SPEG: variants seen among roughly 807,000 people sequenced by gnomAD.
SPEG encodes the protein striated muscle enriched protein kinase.
In SPEG, 114 loss-of-function variants were observed where a neutral mutation model predicts 300.4. That is an observed-to-expected ratio of 0.38 (90% confidence interval 0.33 to 0.44). SPEG has a LOEUF of 0.44. Among genes scored for constraint, SPEG ranks in the 20% least tolerant of loss-of-function variants. The pLI is 1.00. For missense variants in SPEG, 4,201 were observed against 4,586.2 expected, an observed-to-expected ratio of 0.92 and a Z score of 2.43; for synonymous variants, 1,964 against 2,018.9, an observed-to-expected ratio of 0.97 and a Z score of 0.73.
intron 39 of SPEG, 66 bp from the exon 40 acceptor site, chr2:219,492,045 T>C (rs557857990): frequency 5.2e-6 from 8 of 1,539,318 alleles, no homozygotes; most frequent in East Asian, 2.3e-5. Context: ...CTGACACTAA[T>C]GTCCTTCTGG....
At position 219,493,447 on chromosome 2, in the gene SPEG, A is replaced by G. The variant is rs1694145181; in HGVS notation, c.*661A>G. On this transcript the variant is annotated 3_prime_UTR_variant, in exon 41 of 41. Transcript: ENST00000312358. Reference sequence around the variant, plus strand: ...CAGCCCTGGGCGCTCTGCTGGCCCAAGGATGTCCCCACTGCCCCTCCATGG... The same window carrying G: ...CAGCCCTGGGCGCTCTGCTGGCCCAGGGATGTCCCCACTGCCCCTCCATGG... The G allele has an allele frequency of 2.1e-5, 9 of 421,406 alleles. No individual in the cohort carries two copies. Among genetic ancestry groups the G allele is most frequent in the South Asian group, 1.4e-4 (8 of 57,688 alleles). 26.1% of individuals were successfully genotyped at this position (421,406 alleles called of 1,614,324 possible).
chr2:219,462,095 C>T (rs553922913), intron 7 of SPEG, 38 bp downstream of exon 7: 193 of 1,523,702 alleles, frequency 1.3e-4, no homozygotes, highest in Non-Finnish European at 1.6e-4. Context: ...CTCCTGTGTG[C>T]CCCCGTTCCT....
rs1488775697 is a variant in SPEG, at chr2:219,447,964, G to C, written c.816-10G>C. On this transcript the variant is annotated splice_polypyrimidine_tract_variant and intron_variant, in intron 3 of 40. Transcript: ENST00000312358. ...TGAATCCTCTACCCTTCTCCATCTTGGTTCTGCAGCAGCGTCCCTCAGAGC... is the reference window on the plus strand; with the variant it reads ...TGAATCCTCTACCCTTCTCCATCTTCGTTCTGCAGCAGCGTCCCTCAGAGC... 6.2e-7 allele frequency: 1 copy of C among 1,611,742 alleles called. No individual in the cohort carries two copies.
At chr2:219,447,839 G>T in intron 3 of SPEG, 135 bp from the exon 4 acceptor site, 1 of 775,694 alleles carries the variant, frequency 1.3e-6, no homozygotes, top group East Asian at 2.8e-5. Flanking sequence ...GGGTGGGGGT[G>T]GGGGGCAGGA....
chr2:219,463,392 A>ATTTTTTTTTTTTTTTT (rs71040459), intron 8 of SPEG, among the ~76,000 whole-genome samples: 1 of 23,910 alleles, frequency 4.2e-5, no homozygotes, highest in African/African-American at 2.0e-4. Context: ...CCCCACTGTG[A>ATTTTTTTTTTTTTTTT]TTTTTTTTTT....
Position 219,479,295 on chromosome 2 carries a change from G to C in SPEG, c.5085+94G>C. 9.1e-7 allele frequency: 1 copy of C among 1,094,884 alleles called. No individual in the cohort carries two copies. The highest frequency in any genetic ancestry group is 2.6e-4 in the Middle Eastern group (1 of 3,866). 67.8% of individuals were successfully genotyped at this position (1,094,884 alleles called of 1,614,324 possible). On this transcript the variant is annotated intron_variant, in intron 23 of 40. Coordinates refer to ENST00000312358, the MANE Select transcript of SPEG (RefSeq NM_005876.5). This position sits in a 1 kb window ranked among gnomAD's most constrained non-coding sequence, Gnocchi z 5.5. ...CAAATGGGTCCTGAGTGTGCCATCT[G>C]TGCCCACAGGAAGCCAGGGGTGGAG...
chr2:219,443,263 C>T lies in SPEG; in HGVS notation c.389-1390C>T, dbSNP rs2125234568. ...GACAGCCCATGAGATGTGGAACCCT[C>T]CCACTCACCCCCACACTTATCTACC... On this transcript the variant is annotated intron_variant, in intron 1 of 40. Coordinates refer to ENST00000312358, the MANE Select transcript of SPEG (RefSeq NM_005876.5). This position sits in a 1 kb window ranked among gnomAD's most constrained non-coding sequence, Gnocchi z 4.6. 1 of 1,020,100 alleles carries T rather than the reference C, an allele frequency of 9.8e-7. No individual in the cohort carries two copies. 63.2% of individuals were successfully genotyped at this position (1,020,100 alleles called of 1,614,324 possible). A position where few individuals can be genotyped will look rare whatever the true frequency, so the allele number is the denominator to read the frequency against.
In SPEG at chr2:219,477,247, C is replaced by T. The variant is rs373567736; in HGVS notation, c.4561-30C>T. The T allele has an allele frequency of 4.3e-4, 536 of 1,243,554 alleles. 2 individuals carry two copies. Among genetic ancestry groups the T allele is most frequent in the Non-Finnish European group, 1.0e-4 (92 of 908,834 alleles). 77.0% of individuals were successfully genotyped at this position (1,243,554 alleles called of 1,614,324 possible). ...CCCCAAGGTAGAGATGAGGCCAGGC[C>T]CAGGCTGAAGGTGAGACCCCACTCT... is the stretch of plus-strand genomic sequence containing the variant. On this transcript the variant is annotated intron_variant, in intron 19 of 40. Transcript: ENST00000312358. This position sits in a 1 kb window ranked among gnomAD's most constrained non-coding sequence, Gnocchi z 6.4.
intron 9 of SPEG, chr2:219,466,129 T>C: frequency 1.9e-6 from 3 of 1,568,636 alleles, no homozygotes; most frequent in South Asian, 1.2e-5. Context: ...CAGGCACCTC[T>C]CGGACCTCGC....
In SPEG at chr2:219,464,728, C is replaced by T. The variant is rs1575108198; in HGVS notation, c.2881+120C>T. On this transcript the variant is annotated intron_variant, in intron 9 of 40. Coordinates refer to ENST00000312358, the MANE Select transcript of SPEG (RefSeq NM_005876.5). The surrounding 1 kb of genome is among the most constrained non-coding windows in gnomAD (Gnocchi z 4.5). Reference sequence around the variant, plus strand: ...CCACTGAAAGGGCCTTAAGGGGCCCCTAGTCCAGCTGCTTATATTATTGTT... The same window carrying T: ...CCACTGAAAGGGCCTTAAGGGGCCCTTAGTCCAGCTGCTTATATTATTGTT... 3 of 883,110 alleles carry T rather than the reference C, an allele frequency of 3.4e-6. No homozygotes were observed. 54.7% of individuals were successfully genotyped at this position (883,110 alleles called of 1,614,324 possible). A position where few individuals can be genotyped will look rare whatever the true frequency, so the allele number is the denominator to read the frequency against.
rs759160719 is a variant in SPEG, at chr2:219,490,914, C to G, written c.9343C>G (p.Leu3115Val). The G allele has an allele frequency of 1.2e-6, 2 of 1,613,604 alleles. No individual in the cohort carries two copies. The highest frequency in any genetic ancestry group is 2.7e-5 in the African/African-American group (2 of 74,956). The change falls in exon 38 of 41, where the codon CTT becomes GTT. Residue 3115 changes from leucine (L) to valine (V), a missense_variant. Coordinates refer to ENST00000312358, the MANE Select transcript of SPEG (RefSeq NM_005876.5). ...TGCCCAGCCCTACAACCCCCAGGCC[C>G]TTAGGCCCCTTGGCCACCGCACGGG... is the stretch of plus-strand genomic sequence containing the variant. ...GSAQPYNPQA[L>V]RPLGHRTGTL...
At position 219,484,646 on chromosome 2, in the gene SPEG, C is replaced by G. The variant is rs1295789486; in HGVS notation, c.7183C>G (p.Gln2395Glu). 1 of 1,536,286 alleles carries G rather than the reference C, an allele frequency of 6.5e-7. No individual in the cohort carries two copies. The highest frequency in any genetic ancestry group is 2.0e-5 in the Admixed American group (1 of 50,946). ...ACGGCCTGAGCGCTCACGCTCGGTG[C>G]AGGACCTCAGGGCTGTCGGAGAGCC... ...VRRPERSRSVQDLRAVGEPGL... is the reference protein window; with the variant it reads ...VRRPERSRSVEDLRAVGEPGL... Residue 2395 changes from glutamine to glutamate, a missense_variant, in exon 30 of 41, where the codon CAG becomes GAG. Gln to Glu is a conservative substitution (Grantham distance 29, BLOSUM62 2). This residue lies in a region of SPEG where 1,578 missense variants were observed against 1,506.0 expected (regional missense o/e 1.05). Coordinates refer to ENST00000312358, the MANE Select transcript of SPEG (RefSeq NM_005876.5).
chr2:219,466,725 G>C, intron 9 of SPEG: 1 of 1,003,126 alleles, frequency 1.0e-6, no homozygotes, highest in Non-Finnish European at 1.2e-6. Flanking sequence ...TTCTCTGTCA[G>C]GGCTGGGGTG....
In SPEG at chr2:219,482,795, G is replaced by A. The variant is rs762486250; in HGVS notation, c.5577G>A (p.Lys1859=). 6.2e-7 allele frequency: 1 copy of A among 1,613,842 alleles called. No individual in the cohort carries two copies. The highest frequency in any genetic ancestry group is 2.2e-5 in the East Asian group (1 of 44,876). ...LEHPWFKTQA[K]GAEVSTDHLK... is the part of the protein sequence containing the mutation. Reference sequence around the variant, plus strand: ...TCCTGGGTTTGCAGACTCAGGCAAAGGGCGCAGAGGTGAGCACGGATCACC... The same window carrying A: ...TCCTGGGTTTGCAGACTCAGGCAAAAGGCGCAGAGGTGAGCACGGATCACC... The change falls in exon 29 of 41, where the codon AAG becomes AAA. Residue 1859 remains lysine, a synonymous_variant. Coordinates refer to ENST00000312358, the MANE Select transcript of SPEG (RefSeq NM_005876.5).
intron 31 of SPEG, among the ~76,000 whole-genome samples, chr2:219,485,788 A>T (rs1693359866): frequency 6.6e-6 from 1 of 152,214 alleles, no homozygotes; most frequent in Non-Finnish European, 1.5e-5. Flanking sequence ...TCACAGGGCT[A>T]GTAAGTGGAG....
In SPEG at chr2:219,490,601, T is replaced by C; in HGVS notation, c.9114T>C (p.Ile3038=). The change falls in exon 37 of 41, where the codon ATT becomes ATC. Residue 3038 remains isoleucine, a synonymous_variant. Transcript: ENST00000312358. ...TCACCCCTCGGTACCTCGTGCTCATTGCTGAGAGCTGTGGCAACCGGGAAC... is the reference window on the plus strand; with the variant it reads ...TCACCCCTCGGTACCTCGTGCTCATCGCTGAGAGCTGTGGCAACCGGGAAC... ...AYITPRYLVL[I]AESCGNRELL... is the part of the protein sequence containing the mutation. 1 of 1,613,192 alleles carries C rather than the reference T, an allele frequency of 6.2e-7. No homozygotes were observed. Among genetic ancestry groups the C allele is most frequent in the Non-Finnish European group, 8.5e-7 (1 of 1,179,188 alleles).
rs1401849797 is a variant in SPEG, at chr2:219,464,786, C to T, written c.2881+178C>T. ...CCAAAGCCCAGAGACAGGAAGTGAC[C>T]TGCCCAAAGCTGCACAGCACATTGT... On this transcript the variant is annotated intron_variant, in intron 9 of 40. Coordinates refer to ENST00000312358, the MANE Select transcript of SPEG (RefSeq NM_005876.5). This position sits in a 1 kb window ranked among gnomAD's most constrained non-coding sequence, Gnocchi z 4.5. The T allele has an allele frequency of 1.7e-6, 1 of 603,582 alleles. No individual in the cohort carries two copies. Among genetic ancestry groups the T allele is most frequent in the Non-Finnish European group, 2.9e-6 (1 of 340,830 alleles). 37.4% of individuals were successfully genotyped at this position (603,582 alleles called of 1,614,324 possible).
At position 219,493,227 on chromosome 2, in the gene SPEG, C is replaced by CG; in HGVS notation, c.*446dup. On this transcript the variant is annotated 3_prime_UTR_variant, in exon 41 of 41. Transcript: ENST00000312358. The stretch of plus-strand genomic sequence containing the variant: ...TAGGCTGGGAGTCAGTGTGGCAAAG[C>CG]GGGGGCAGGACACAGATACAGTGGC... 1 of 366,986 alleles carries CG rather than the reference C, an allele frequency of 2.7e-6. No homozygotes were observed. Among genetic ancestry groups the CG allele is most frequent in the Non-Finnish European group, 5.3e-6 (1 of 187,054 alleles). 22.7% of individuals were successfully genotyped at this position (366,986 alleles called of 1,614,324 possible). A position where few individuals can be genotyped will look rare whatever the true frequency, so the allele number is the denominator to read the frequency against.
chr2:219,442,247 C>G (rs1323278485), intron 1 of SPEG, among the ~76,000 whole-genome samples: 2 of 151,576 alleles, frequency 1.3e-5, no homozygotes, highest in Non-Finnish European at 3.0e-5. Context: ...GATCTAGGGG[C>G]GCCCGGGTCT....
Sources: gnomAD v4.1 joint callset for allele counts (sites outside exome capture counted in the v4.1 genomes callset) on GRCh38, gnomAD v4.1.1 for gene constraint, gnomAD v4.1.1 regional missense constraint, Gnocchi (gnomAD v3.1) non-coding constraint, MANE v1.5 for transcripts, NCBI Gene and HGNC (gene_info 2026-07-23, HGNC 2026-07-21) for gene names.